PLEC: variants seen among roughly 807,000 people sequenced by gnomAD.
PLEC encodes the protein hemidesmosomal protein 1.
Under a neutral mutation model 392.8 loss-of-function variants are expected in PLEC, and 216 were observed. The observed-to-expected ratio is 0.55, with a 90% confidence interval of 0.49 to 0.62. PLEC has a LOEUF of 0.62. Ranked by LOEUF, PLEC falls within the 20% of genes least tolerant of loss-of-function variation. PLEC has a pLI of 0.00. For missense variants in PLEC, 6,863 were observed against 6,563.4 expected (o/e 1.05, Z -1.58); for synonymous variants, 3,621 against 2,980.6 (o/e 1.21, Z -7.00).
rs116780321 is a variant in PLEC, at chr8:143,930,692, G to A, written c.2305-156C>T. On this transcript the variant is annotated intron_variant, in intron 19 of 31. Coordinates refer to ENST00000345136, the MANE Select transcript of PLEC (RefSeq NM_201384.3). ...GAGGTATAGCTGGGACAGGCCCCGG[G>A]GGTTGGCCCCAAGCAGACCCATGCA... Among the ~76,000 whole-genome samples, 1,748 of 152,166 alleles carry A rather than the reference G, an allele frequency of 0.011. 36 individuals are homozygous for A. Among genetic ancestry groups the A allele is most frequent in the African/African-American group, 0.039 (1,619 of 41,482 alleles).
At chr8:143,945,179 G>A (rs549008954) in intron 1 of PLEC, 10 of 468,002 alleles carry the variant, frequency 2.1e-5, no homozygotes, top group East Asian at 7.3e-5. Context: ...TGGCCCCACC[G>A]GTGGCCGGGA....
upstream of PLEC, among the ~76,000 whole-genome samples, chr8:143,951,373 T>G (rs1292981203): frequency 6.6e-6 from 1 of 152,002 alleles, no homozygotes; most frequent in African/African-American, 2.4e-5. Context: ...AGCTGGGGTC[T>G]TGCGGGAGGA....
intron 12 of PLEC, 95 bp downstream of exon 12, chr8:143,933,903 C>T: frequency 1.8e-6 from 2 of 1,117,348 alleles, no homozygotes; most frequent in East Asian, 2.6e-5. Flanking sequence ...CCCCAGGAGC[C>T]CAGGGGGACA....
In PLEC at chr8:143,918,579, C is replaced by T. The variant is rs1554675716; in HGVS notation, c.11242G>A (p.Val3748Met). Residue 3748 changes from valine (V) to methionine (M), a missense_variant, in exon 32 of 32, where the codon GTG becomes ATG. Coordinates refer to ENST00000345136, the MANE Select transcript of PLEC (RefSeq NM_201384.3). ...TCGGGCCCCACGAGGCCCTTCCGCA[C>T]AGCCTCATCCACAGTCAGCCGCTCC... is the stretch of plus-strand genomic sequence containing the variant. ...KGERLTVDEA[V>M]RKGLVGPELH... 1 of 1,612,126 alleles carries T rather than the reference C, an allele frequency of 6.2e-7. No homozygotes were observed. Among genetic ancestry groups the T allele is most frequent in the East Asian group, 2.2e-5 (1 of 44,862 alleles).
At position 143,934,307 on chromosome 8, in the gene PLEC, G is replaced by A. The variant is rs374987668; in HGVS notation, c.1169+11C>T. The A allele has an allele frequency of 1.2e-6, 2 of 1,611,416 alleles. No individual in the cohort carries two copies. The highest frequency in any genetic ancestry group is 2.2e-5 in the East Asian group (1 of 44,872). ...CGGGTGGTTCCCCTGCCACCACAGG[G>A]CCCCACCCACCTCTCAAACTCGCTG... is the stretch of plus-strand genomic sequence containing the variant. On this transcript the variant is annotated intron_variant, in intron 11 of 31. Coordinates refer to ENST00000345136, the MANE Select transcript of PLEC (RefSeq NM_201384.3).
In PLEC at chr8:143,924,507, C is replaced by G. The variant is rs1824198487; in HGVS notation, c.5422G>C (p.Ala1808Pro). The part of the protein sequence containing the change: ...ELAEEAARLR[A>P]LAEEAKRQRQ... Reference sequence around the variant, plus strand: ...TGCCGCTTGGCCTCTTCCGCCAGGGCACGCAGGCGGGCGGCCTCCTCGGCC... The same window carrying G: ...TGCCGCTTGGCCTCTTCCGCCAGGGGACGCAGGCGGGCGGCCTCCTCGGCC... Residue 1808 changes from alanine (A) to proline (P), a missense_variant, in exon 31 of 32, where the codon GCC (alanine) becomes CCC (proline). Physicochemically the swap from Ala to Pro is conservative, Grantham distance 27. Transcript: ENST00000345136. 5.2e-6 allele frequency: 8 copies of G among 1,542,652 alleles called. No homozygotes were observed. Among genetic ancestry groups the G allele is most frequent in the Non-Finnish European group, 6.9e-6 (8 of 1,151,096 alleles).
intron 25 of PLEC, among the ~76,000 whole-genome samples, 200 bp downstream of exon 25, chr8:143,928,903 G>A (rs1237048174): frequency 2.0e-5 from 3 of 152,120 alleles, no homozygotes; most frequent in African/African-American, 4.8e-5. Flanking sequence ...TCCCCCGGCC[G>A]CCACTGTCGA....
At position 143,918,881 on chromosome 8, in the gene PLEC, A is replaced by T. The variant is rs1161530661; in HGVS notation, c.10940T>A (p.Leu3647His). 1 of 1,612,368 alleles carries T rather than the reference A, an allele frequency of 6.2e-7. No homozygotes were observed. Among genetic ancestry groups the T allele is most frequent in the African/African-American group, 1.3e-5 (1 of 74,926 alleles). Residue 3647 changes from leucine to histidine, a missense_variant, in exon 32 of 32, where the codon CTC (leucine) becomes CAC (histidine). Physicochemically the swap from Leu to His is moderately conservative, Grantham distance 99. Transcript: ENST00000345136. ...LASYDYVRRR[L>H]TAEDLFEARI... The stretch of plus-strand genomic sequence containing the variant: ...AGCCTCGAACAGGTCCTCAGCCGTG[A>T]GGCGGCGGCGCACGTAGTCGTAGGA...
intron 1 of PLEC, among the ~76,000 whole-genome samples, chr8:143,945,515 C>T (rs1831332531): frequency 6.6e-6 from 1 of 152,208 alleles, no homozygotes; most frequent in Admixed American, 6.5e-5. Context: ...CTGCTGGGCG[C>T]ACCCCTCAGG....
chr8:143,929,356 A>AG, intron 24 of PLEC, 58 bp downstream of exon 24: 1 of 1,174,688 alleles, frequency 8.5e-7, no homozygotes, highest in Non-Finnish European at 1.2e-6. Context: ...CAAAGGAGGG[A>AG]GGGTGGGAGG....
chr8:143,925,110 G>T lies in PLEC; in HGVS notation c.4819C>A (p.Arg1607=). The T allele has an allele frequency of 6.4e-7, 1 of 1,554,364 alleles. No individual in the cohort carries two copies. The highest frequency in any genetic ancestry group is 2.4e-5 in the East Asian group (1 of 41,954). The part of the protein sequence containing the change: ...QEEHVAVAQL[R]EEAERRAQQQ... ...TGTGCCCGCCGCTCAGCCTCCTCCCGCAGCTGTGCCACAGCCACGTGTTCC... is the reference window on the plus strand; with the variant it reads ...TGTGCCCGCCGCTCAGCCTCCTCCCTCAGCTGTGCCACAGCCACGTGTTCC... The change falls in exon 31 of 32, where the codon CGG becomes AGG. Residue 1607 remains arginine (R), a synonymous_variant. Transcript: ENST00000345136.
Position 143,934,621 on chromosome 8 carries a change from G to T in PLEC, c.1041+14C>A. 1.2e-6 allele frequency: 2 copies of T among 1,611,650 alleles called. No homozygotes were observed. The highest frequency in any genetic ancestry group is 1.7e-5 in the Admixed American group (1 of 60,020). ...TTCCAGGACACCACCCACCCCTCCA[G>T]CGGTCCCACTCACCTCCAGGGATTG... is the stretch of plus-strand genomic sequence containing the variant. On this transcript the variant is annotated intron_variant, in intron 10 of 31. Transcript: ENST00000345136.
chr8:143,952,242 G>T (rs1832265153), upstream of PLEC, among the ~76,000 whole-genome samples: 1 of 151,892 alleles, frequency 6.6e-6, no homozygotes, highest in African/African-American at 2.4e-5. Flanking sequence ...GCGCACGCCT[G>T]CGTACACAGA....
intron 7 of PLEC, 29 bp downstream of exon 7, chr8:143,935,167 AGG>A: frequency 6.2e-7 from 1 of 1,611,310 alleles, no homozygotes; most frequent in Non-Finnish European, 8.5e-7. Flanking sequence ...CAGCAGGGGA[AGG>A]GACAGGGAGG....
At chr8:143,973,617 G>A (rs1554745120), upstream of PLEC, 7 of 811,142 alleles carry the variant, frequency 8.6e-6, no homozygotes, top group South Asian at 1.1e-4. This position sits in a 1 kb window ranked among gnomAD's most constrained non-coding sequence, Gnocchi z 5.6. Flanking sequence ...CACGGGCGGG[G>A]CGGGGCCGGG....
At chr8:143,962,905 A>G (rs1439458930) in intron 1 of PLEC, among the ~76,000 whole-genome samples, 3 of 152,212 alleles carry the variant, frequency 2.0e-5, no homozygotes, top group Admixed American at 6.5e-5. Context: ...GTGATTTGGG[A>G]TATCTGCAGC....
chr8:143,939,301 G>A (rs782643797), intron 1 of PLEC, 49 bp downstream of exon 1: 87 of 1,579,234 alleles, frequency 5.5e-5, no homozygotes, highest in Admixed American at 1.6e-4. Context: ...CCTTCCTCCC[G>A]CAGGGGCCCG....
intron 1 of PLEC, among the ~76,000 whole-genome samples, chr8:143,967,177 C>T (rs1833141827): frequency 6.6e-6 from 1 of 151,604 alleles, no homozygotes; most frequent in South Asian, 2.1e-4. Context: ...TCCTGGCTAA[C>T]ACGGTGAAAC....
chr8:143,964,493 C>T (rs1832996801), intron 1 of PLEC, among the ~76,000 whole-genome samples: 1 of 152,180 alleles, frequency 6.6e-6, no homozygotes, highest in African/African-American at 2.4e-5. Context: ...AGCCCAGGCA[C>T]CGATGGCCAC....
Sources: allele counts gnomAD v4.1 joint callset (sites outside exome capture counted in the v4.1 genomes callset), GRCh38; gene constraint gnomAD v4.1.1; non-coding constraint Gnocchi (gnomAD v3.1); transcripts MANE v1.5; gene names NCBI Gene and HGNC (gene_info 2026-07-23, HGNC 2026-07-21).